TNIP3: variants seen among roughly 807,000 people sequenced by gnomAD.
TNIP3 encodes TNFAIP3-interacting protein 3.
TNIP3 carries 34 observed loss-of-function variants against 54.1 expected under a neutral mutation model. The observed-to-expected ratio is 0.63, with a 90% confidence interval of 0.48 to 0.84. The LOEUF is 0.84. Ranked by LOEUF, TNIP3 falls within the 40% of genes least tolerant of loss-of-function variation. The pLI is 0.00. For missense variants in TNIP3, 366 were observed against 387.6 expected (o/e 0.94, Z 0.47); for synonymous variants, 134 against 136.8 (o/e 0.98, Z 0.14).
At chr4:121,203,238 T>C (rs558235609) in intron 2 of TNIP3, among the ~76,000 whole-genome samples, 7 of 151,612 alleles carry the variant, frequency 4.6e-5, no homozygotes. Flanking sequence ...GATAGATAGA[T>C]AGATAGATAG....
intron 3 of TNIP3, among the ~76,000 whole-genome samples, chr4:121,181,044 A>G (rs1170039252): frequency 1.3e-5 from 2 of 152,232 alleles, no homozygotes; most frequent in Admixed American, 6.5e-5. Context: ...GAAAATCAGT[A>G]TCTTAGAGAG....
chr4:121,192,361 C>T (rs953943472), intron 2 of TNIP3, among the ~76,000 whole-genome samples: 2 of 152,170 alleles, frequency 1.3e-5, no homozygotes, highest in African/African-American at 4.8e-5. Flanking sequence ...GTTAACGTCC[C>T]TTCTCATCTC....
chr4:121,144,089 G>T (rs2148799572), intron 7 of TNIP3, among the ~76,000 whole-genome samples: 1 of 152,310 alleles, frequency 6.6e-6, no homozygotes, highest in South Asian at 2.1e-4. Flanking sequence ...GATGACAAAT[G>T]CATTTTAGTC....
intron 2 of TNIP3, among the ~76,000 whole-genome samples, chr4:121,188,674 T>C (rs1158431379): frequency 6.6e-6 from 1 of 152,222 alleles, no homozygotes; most frequent in Non-Finnish European, 1.5e-5. Flanking sequence ...TTTACTGCCT[T>C]GAATGGCAGT....
At chr4:121,201,525 G>A (rs749819553) in intron 2 of TNIP3, among the ~76,000 whole-genome samples, 5 of 152,136 alleles carry the variant, frequency 3.3e-5, no homozygotes, top group Non-Finnish European at 7.3e-5. Context: ...TTTTGCCTTA[G>A]GCAAACTTAG....
At chr4:121,212,523 T>A (rs906364875) in intron 2 of TNIP3, among the ~76,000 whole-genome samples, 4 of 152,216 alleles carry the variant, frequency 2.6e-5, no homozygotes, top group Non-Finnish European at 5.9e-5. Context: ...AAATTTGAAT[T>A]GCAAATAAAT....
Position 121,143,686 on chromosome 4 carries a change from T to C in TNIP3, c.736-910A>G, listed in dbSNP as rs182786469. Among the ~76,000 whole-genome samples, 266 of 152,350 alleles carry C rather than the reference T, an allele frequency of 1.7e-3. 1 individual carries two copies. The highest frequency in any genetic ancestry group is 5.7e-3 in the African/African-American group (235 of 41,584). ...GTTGGGTTAAGTTTCTGCTAGCCTC[T>C]TGTCACAACATTTGTGTCAATGGAT... On this transcript the variant is annotated intron_variant, in intron 7 of 10. Transcript: ENST00000057513.
intron 2 of TNIP3, among the ~76,000 whole-genome samples, chr4:121,202,745 A>T (rs187314571): frequency 3.0e-4 from 46 of 152,218 alleles, no homozygotes; most frequent in Non-Finnish European, 4.9e-4. Context: ...AAAACAGATA[A>T]CCCCATCAAA....
intron 1 of TNIP3, among the ~76,000 whole-genome samples, chr4:121,162,704 C>T (rs773618723): frequency 2.6e-4 from 39 of 152,198 alleles, no homozygotes; most frequent in Non-Finnish European, 3.7e-4. Flanking sequence ...TCAAAGTCAC[C>T]GTTAAGCTTG....
Position 121,189,240 on chromosome 4 carries a change from C to T in TNIP3, c.69-6444G>A, listed in dbSNP as rs141433180. Among the ~76,000 whole-genome samples, 49 of 152,296 alleles carry T rather than the reference C, an allele frequency of 3.2e-4. 1 individual carries two copies. In the South Asian group the frequency reaches 5.4e-3, roughly 17 times the overall value. On this transcript the variant is annotated intron_variant, in intron 2 of 12. Coordinates refer to the TNIP3 transcript ENST00000507879. ...CCTACCTCAAATGCCACATTTCTTC[C>T]CAGTCCATTGCCAAGGTCACATTTT... is the stretch of plus-strand genomic sequence containing the variant.
chr4:121,141,449 C>A (rs1729112200), intron 9 of TNIP3, among the ~76,000 whole-genome samples: 1 of 152,158 alleles, frequency 6.6e-6, no homozygotes, highest in African/African-American at 2.4e-5. Flanking sequence ...AAATTTACAA[C>A]CGAACAAAAG....
chr4:121,206,409 T>C (rs1283098405), intron 2 of TNIP3, among the ~76,000 whole-genome samples: 1 of 152,190 alleles, frequency 6.6e-6, no homozygotes, highest in Non-Finnish European at 1.5e-5. Context: ...TTGATGATAA[T>C]CAACTTGTTC....
At chr4:121,188,200 C>T in intron 2 of TNIP3, among the ~76,000 whole-genome samples, 1 of 151,986 alleles carries the variant, frequency 6.6e-6, no homozygotes, top group East Asian at 1.9e-4. Flanking sequence ...TTCCTTCCTG[C>T]CCTTCACTCA....
At chr4:121,173,334 C>A (rs1724087125) in intron 3 of TNIP3, among the ~76,000 whole-genome samples, 1 of 152,112 alleles carries the variant, frequency 6.6e-6, no homozygotes, top group Admixed American at 6.5e-5. Context: ...AACAAATTCC[C>A]ACCATGGCAT....
intron 3 of TNIP3, among the ~76,000 whole-genome samples, chr4:121,175,086 G>A (rs1724229401): frequency 6.6e-6 from 1 of 152,128 alleles, no homozygotes; most frequent in African/African-American, 2.4e-5. Flanking sequence ...TTATGAACAT[G>A]TTATTTATGG....
chr4:121,224,368 A>AAAAAAG (rs764052026), intron 1 of TNIP3, among the ~76,000 whole-genome samples: 2 of 143,088 alleles, frequency 1.4e-5, no homozygotes, highest in South Asian at 2.2e-4. Context: ...GTCTCAAAAA[A>AAAAAAG]TAAAAAGAAA....
At chr4:121,158,328 T>C (rs1213798660) in intron 3 of TNIP3, among the ~76,000 whole-genome samples, 1 of 152,188 alleles carries the variant, frequency 6.6e-6, no homozygotes, top group African/African-American at 2.4e-5. Flanking sequence ...GCGTAAACAG[T>C]ATGGACTTTA....
rs554845456 is a variant in TNIP3 at position 121,147,282 on chromosome 4, C to T, written c.610-108G>A. On this transcript the variant is annotated intron_variant, in intron 6 of 10. Coordinates refer to ENST00000057513, the MANE Select transcript of TNIP3 (RefSeq NM_024873.6). The stretch of plus-strand genomic sequence containing the variant: ...CTACTCCATTATTGTAAAGAACCCT[C>T]CCAACTAGTGTTCAGTGTCACTGTT... 275 of 1,352,200 alleles carry T rather than the reference C, an allele frequency of 2.0e-4. No individual in the cohort carries two copies. The Middle Eastern group carries it at 3.1e-3, about 15-fold the overall frequency. 83.8% of individuals were successfully genotyped at this position (1,352,200 alleles called of 1,614,324 possible). A position where few individuals can be genotyped will look rare whatever the true frequency, so the allele number is the denominator to read the frequency against.
chr4:121,214,866 T>G (rs1210103515), intron 2 of TNIP3, among the ~76,000 whole-genome samples: 1 of 152,186 alleles, frequency 6.6e-6, no homozygotes, highest in Non-Finnish European at 1.5e-5. Flanking sequence ...AGACCCACAG[T>G]CTTTGAGGGG....
Sources: gnomAD v4.1 joint callset for allele counts (sites outside exome capture counted in the v4.1 genomes callset) on GRCh38, gnomAD v4.1.1 for gene constraint, MANE v1.5 for transcripts, NCBI Gene and HGNC (gene_info 2026-07-23, HGNC 2026-07-21) for gene names.